The following EPDR1 variants were observed in gnomAD, a reference collection of about 807,000 sequenced individuals.
The protein encoded by EPDR1 is ependymin related 1.
Under a neutral mutation model 23.7 loss-of-function variants are expected in EPDR1, and 27 were observed. The ratio of observed to expected loss-of-function variants is 1.14; its 90% CI spans 0.84 to 1.57. The LOEUF (loss-of-function observed/expected upper bound fraction) is 1.57, where lower values mean the gene tolerates loss of function less well. Ranked by LOEUF, EPDR1 falls within the 40% of genes most tolerant of loss-of-function variation. The pLI is 0.00. For synonymous variants in EPDR1, 137 were observed against 118.2 expected, an observed-to-expected ratio of 1.16 and a Z score of -1.03; for missense variants, 349 against 290.4, an observed-to-expected ratio of 1.20 and a Z score of -1.47.
chr7:37,950,407 A>T lies in EPDR1; in HGVS notation c.*11A>T. ...GACTGCTCCTGGTGAGCCTGTGCATAGGGAAGCGGCAGCATCGGATGTCAG... is the reference window on the plus strand; with the variant it reads ...GACTGCTCCTGGTGAGCCTGTGCATTGGGAAGCGGCAGCATCGGATGTCAG... On this transcript the variant is annotated 3_prime_UTR_variant, in exon 3 of 3. Transcript: ENST00000199448. 1 of 1,602,236 alleles carries T rather than the reference A, an allele frequency of 6.2e-7. No individual in the cohort carries two copies. Among genetic ancestry groups the T allele is most frequent in the South Asian group, 1.1e-5 (1 of 89,622 alleles).
chr7:37,938,290 C>T (rs989858068), intron 1 of EPDR1, among the ~76,000 whole-genome samples: 2 of 151,956 alleles, frequency 1.3e-5, no homozygotes, highest in African/African-American at 4.8e-5. Flanking sequence ...ACACCCAGTG[C>T]CTTTAAATAT....
intron 1 of EPDR1, among the ~76,000 whole-genome samples, chr7:37,931,528 A>G (rs545291206): frequency 9.0e-6 from 1 of 111,502 alleles, no homozygotes; most frequent in East Asian, 2.2e-4. Context: ...TAAATAAATA[A>G]AAAAAATAAA....
Position 37,920,791 on chromosome 7 carries a change from A to T in EPDR1, c.-149A>T, listed in dbSNP as rs1785675023. Reference sequence around the variant, plus strand: ...CGCGCGTCCGGATCTCAAAAGCGGCAGAGGCCACCGAAGGGACAGGAAGCA... The same window carrying T: ...CGCGCGTCCGGATCTCAAAAGCGGCTGAGGCCACCGAAGGGACAGGAAGCA... On this transcript the variant is annotated 5_prime_UTR_variant, in exon 1 of 3. Transcript: ENST00000199448. 3 of 1,609,962 alleles carry T rather than the reference A, an allele frequency of 1.9e-6. No individual in the cohort carries two copies. Among genetic ancestry groups the T allele is most frequent in the Non-Finnish European group, 2.5e-6 (3 of 1,178,030 alleles).
At position 37,920,775 on chromosome 7, in the gene EPDR1, G is replaced by A; in HGVS notation, c.-165G>A. On this transcript the variant is annotated 5_prime_UTR_variant, in exon 1 of 3. Coordinates refer to ENST00000199448, the MANE Select transcript of EPDR1 (RefSeq NM_017549.5). ...CCCGGCTACCGGGACTCGCGCGTCC[G>A]GATCTCAAAAGCGGCAGAGGCCACC... is the stretch of plus-strand genomic sequence containing the variant. The A allele has an allele frequency of 6.2e-7, 1 of 1,609,800 alleles. No individual in the cohort carries two copies. The highest frequency in any genetic ancestry group is 1.3e-5 in the African/African-American group (1 of 74,906).
chr7:37,923,320 G>C (rs6968647), intron 1 of EPDR1, among the ~76,000 whole-genome samples: 38,577 of 152,000 alleles, frequency 0.25, 4,913 homozygotes, highest in African/African-American at 0.29. Flanking sequence ...ATGCATTAGG[G>C]AAGTATTGAA....
At position 37,937,985 on chromosome 7, in the gene EPDR1, A is replaced by ATTTTTTTTTTTTTTTTTT. The variant is rs35752051; in HGVS notation, c.270-10849_270-10832dup. ...CTGAAGAAAAATGGGTGCCCTTTAA[A>ATTTTTTTTTTTTTTTTTT]TTTTTTTTTTTTTTTTTTTTTTTGA... On this transcript the variant is annotated intron_variant, in intron 1 of 2. Transcript: ENST00000199448. Among the ~76,000 whole-genome samples the ATTTTTTTTTTTTTTTTTT allele has an allele frequency of 1.7e-4, 12 of 72,404 alleles. 1 individual carries two copies. The highest frequency in any genetic ancestry group is 4.4e-4 in the East Asian group (1 of 2,258). The allele number at this position is 72,404 out of a possible 152,430, so 47.5% of individuals were successfully genotyped here.
At chr7:37,942,195 G>A (rs1203120905) in intron 1 of EPDR1, among the ~76,000 whole-genome samples, 6 of 152,080 alleles carry the variant, frequency 3.9e-5, no homozygotes, top group African/African-American at 9.7e-5. Context: ...TTTCACAATA[G>A]CCAAAAGTTA....
intron 1 of EPDR1, among the ~76,000 whole-genome samples, chr7:37,926,312 C>T (rs1327485177): frequency 6.6e-6 from 1 of 151,962 alleles, no homozygotes; most frequent in Non-Finnish European, 1.5e-5. Context: ...ACTGATATAC[C>T]CACGATCCCC....
intron 1 of EPDR1, among the ~76,000 whole-genome samples, chr7:37,937,248 A>G (rs1473676103): frequency 2.0e-5 from 3 of 152,220 alleles, no homozygotes; most frequent in Admixed American, 6.5e-5. Context: ...TAAACTGCAA[A>G]CCAAACTAAA....
intron 1 of EPDR1, among the ~76,000 whole-genome samples, chr7:37,930,075 C>T (rs747380076): frequency 6.6e-6 from 1 of 152,228 alleles, no homozygotes; most frequent in South Asian, 2.1e-4. Flanking sequence ...AAGGCAACTT[C>T]TCCTGGAGGA....
At chr7:37,947,048 C>T (rs1786290754) in intron 1 of EPDR1, among the ~76,000 whole-genome samples, 1 of 152,150 alleles carries the variant, frequency 6.6e-6, no homozygotes, top group African/African-American at 2.4e-5. Context: ...ATAAAGCCTA[C>T]AGAAGTGTAT....
chr7:37,940,667 A>G (rs1172814271), intron 1 of EPDR1, among the ~76,000 whole-genome samples: 4 of 152,216 alleles, frequency 2.6e-5, no homozygotes, highest in African/African-American at 9.6e-5. Flanking sequence ...AAGCAAATAA[A>G]TGTTTTTGTT....
intron 1 of EPDR1, among the ~76,000 whole-genome samples, chr7:37,942,743 T>C (rs868744976): frequency 1.3e-5 from 2 of 152,148 alleles, no homozygotes; most frequent in African/African-American, 4.8e-5. Flanking sequence ...CATCCCTAGA[T>C]TGCTTAATTT....
Position 37,921,225 on chromosome 7 carries a change from C to T in EPDR1, c.269+17C>T, listed in dbSNP as rs756808814. On this transcript the variant is annotated intron_variant, in intron 1 of 2. Coordinates refer to ENST00000199448, the MANE Select transcript of EPDR1 (RefSeq NM_017549.5). ...CTGCAAGAGGTACAGGTCATCGGCCCGCGGGGCGGGAGTAGGGAGCCGCGC... is the reference window on the plus strand; with the variant it reads ...CTGCAAGAGGTACAGGTCATCGGCCTGCGGGGCGGGAGTAGGGAGCCGCGC... The T allele has an allele frequency of 2.5e-6, 4 of 1,572,502 alleles. No homozygotes were observed. Among genetic ancestry groups the T allele is most frequent in the South Asian group, 1.1e-5 (1 of 88,194 alleles).
chr7:37,946,415 A>G (rs1443708143), intron 1 of EPDR1, among the ~76,000 whole-genome samples: 4 of 152,148 alleles, frequency 2.6e-5, no homozygotes, highest in Admixed American at 6.5e-5. Flanking sequence ...CTTTTTATTA[A>G]TAGCCATTCT....
chr7:37,926,570 T>C (rs771824203), intron 1 of EPDR1: 9 of 376,496 alleles, frequency 2.4e-5, no homozygotes, highest in Non-Finnish European at 3.9e-5. Flanking sequence ...AGTTCCTAAG[T>C]CTTCCTTGCA....
At chr7:37,937,989 T>TTTTTTTTTTTTTTTTTTTTTTTG in intron 1 of EPDR1, among the ~76,000 whole-genome samples, 1 of 127,706 alleles carries the variant, frequency 7.8e-6, no homozygotes, top group Non-Finnish European at 1.7e-5. Context: ...CTTTAAATTT[T>TTTTTTTTTTTTTTTTTTTTTTTG]TTTTTTTTTT....
At chr7:37,942,202 G>T (rs1051005947) in intron 1 of EPDR1, among the ~76,000 whole-genome samples, 2 of 152,108 alleles carry the variant, frequency 1.3e-5, no homozygotes, top group Non-Finnish European at 2.9e-5. Context: ...ATAGCCAAAA[G>T]TTAGGAAACA....
rs35752051 is a variant in EPDR1, at chr7:37,937,985, A to ATTTTTTTTTTTTTTTTTTT, written c.270-10850_270-10832dup. Reference sequence around the variant, plus strand: ...CTGAAGAAAAATGGGTGCCCTTTAAATTTTTTTTTTTTTTTTTTTTTTTGA... The same window carrying ATTTTTTTTTTTTTTTTTTT: ...CTGAAGAAAAATGGGTGCCCTTTAAATTTTTTTTTTTTTTTTTTTTTTTTTTTTTTTTTTTTTTTTTTGA... On this transcript the variant is annotated intron_variant, in intron 1 of 2. Transcript: ENST00000199448. Among the ~76,000 whole-genome samples, 17 of 72,404 alleles carry ATTTTTTTTTTTTTTTTTTT rather than the reference A, an allele frequency of 2.3e-4. 1 individual carries two copies. Among genetic ancestry groups the ATTTTTTTTTTTTTTTTTTT allele is most frequent in the Admixed American group, 3.9e-4 (2 of 5,182 alleles). The allele number at this position is 72,404 out of a possible 152,430, so 47.5% of individuals were successfully genotyped here. A position where few individuals can be genotyped will look rare whatever the true frequency, so the allele number is the denominator to read the frequency against.
Sources: gnomAD v4.1 joint callset for allele counts (sites outside exome capture counted in the v4.1 genomes callset) on GRCh38, gnomAD v4.1.1 for gene constraint, MANE v1.5 for transcripts, NCBI Gene and HGNC (gene_info 2026-07-23, HGNC 2026-07-21) for gene names.